The following SLC12A1 variants were observed in gnomAD, a reference collection of about 807,000 sequenced individuals.
SLC12A1 encodes Na-K-2Cl cotransporter.
A neutral mutation model predicts 130.4 loss-of-function variants in SLC12A1; 89 were observed. The ratio of observed to expected loss-of-function variants is 0.68; its 90% CI spans 0.58 to 0.81. The LOEUF (loss-of-function observed/expected upper bound fraction) is 0.81. SLC12A1 is among the 40% of genes least tolerant of loss of function. The pLI is 0.00. For missense variants in SLC12A1, 1,310 were observed against 1,336.4 expected, an observed-to-expected ratio of 0.98 and a Z score of 0.31; for synonymous variants, 499 against 460.0, an observed-to-expected ratio of 1.08 and a Z score of -1.09.
At chr15:48,216,147 A>G (rs2041118533) in intron 2 of SLC12A1, among the ~76,000 whole-genome samples, 1 of 152,166 alleles carries the variant, frequency 6.6e-6, no homozygotes, top group Non-Finnish European at 1.5e-5. Flanking sequence ...AGAGTTGAAC[A>G]CCCTACATTG....
chr15:48,271,169 G>C (rs369103101), intron 19 of SLC12A1, among the ~76,000 whole-genome samples: 15 of 151,876 alleles, frequency 9.9e-5, no homozygotes, highest in Admixed American at 7.2e-4. Flanking sequence ...CTGAGATTGC[G>C]CCACTGCACT....
chr15:48,259,647 G>C (rs1372343842), intron 17 of SLC12A1, among the ~76,000 whole-genome samples: 1 of 152,080 alleles, frequency 6.6e-6, no homozygotes, highest in Non-Finnish European at 1.5e-5. Context: ...ATAAAAAGAT[G>C]GAATGAGCCA....
rs773955892 is a variant in SLC12A1, at chr15:48,285,161, T to A, written c.2541T>A (p.Asp847Glu). 6.2e-7 allele frequency: 1 copy of A among 1,613,646 alleles called. No homozygotes were observed. Among genetic ancestry groups the A allele is most frequent in the African/African-American group, 1.3e-5 (1 of 75,028 alleles). The change falls in exon 21 of 27, where the codon GAT becomes GAA. Residue 847 changes from aspartate (D) to glutamate (E), a missense_variant. By Grantham distance (45) the Asp-to-Glu change is conservative. Coordinates refer to ENST00000380993, the MANE Select transcript of SLC12A1 (RefSeq NM_000338.3). ...ERLALEATIK[D>E]NECEEESGGI... ...TAGCATTGGAAGCGACTATCAAAGA[T>A]AATGAGTGTGAAGAGGAAAGTGGAG...
rs1244911155 is a variant in SLC12A1, at chr15:48,280,051, C to T, written c.2486-5055C>T. Among the ~76,000 whole-genome samples, 7 of 152,174 alleles carry T rather than the reference C, an allele frequency of 4.6e-5. No homozygotes were observed. In the South Asian group the frequency reaches 1.2e-3, roughly 27 times the overall value. On this transcript the variant is annotated intron_variant, in intron 20 of 26. Coordinates refer to ENST00000380993, the MANE Select transcript of SLC12A1 (RefSeq NM_000338.3). ...CTGTAAAATGGGAAGGGATTCCATT[C>T]CCCAGTGGGTTTCCCTGCTCTCCCT...
chr15:48,266,585 G>T (rs1374923616), intron 17 of SLC12A1, among the ~76,000 whole-genome samples: 1 of 151,864 alleles, frequency 6.6e-6, no homozygotes, highest in Non-Finnish European at 1.5e-5. Context: ...AAAATATTGA[G>T]CCCTGCTTCA....
intron 9 of SLC12A1, among the ~76,000 whole-genome samples, chr15:48,239,837 G>A (rs746057589): frequency 6.6e-6 from 1 of 151,512 alleles, no homozygotes; most frequent in East Asian, 2.0e-4. Context: ...TTTTAGTAGA[G>A]ATGGGGTTTC....
intron 2 of SLC12A1, among the ~76,000 whole-genome samples, chr15:48,217,610 G>T (rs1001031798): frequency 6.6e-6 from 1 of 151,968 alleles, no homozygotes; most frequent in African/African-American, 2.4e-5. Flanking sequence ...TCTGTCTTAG[G>T]ATTCAGTCCC....
At chr15:48,239,260 G>A (rs948694378) in intron 9 of SLC12A1, among the ~76,000 whole-genome samples, 2 of 151,924 alleles carry the variant, frequency 1.3e-5, no homozygotes, top group African/African-American at 2.4e-5. Context: ...GCTTATAATC[G>A]CAGCACTTTG....
In SLC12A1 at chr15:48,275,941, G is replaced by A. The variant is rs75408367; in HGVS notation, c.2485+1288G>A. On this transcript the variant is annotated intron_variant, in intron 20 of 26. Transcript: ENST00000380993. ...TCGGTTATATGGGGCATGGACTCAGGACTAGAATGGAAATAGATAAATCAA... is the reference window on the plus strand; with the variant it reads ...TCGGTTATATGGGGCATGGACTCAGAACTAGAATGGAAATAGATAAATCAA... Among the ~76,000 whole-genome samples the A allele has an allele frequency of 2.6e-5, 4 of 152,312 alleles. No individual in the cohort carries two copies. In the East Asian group the frequency reaches 7.7e-4, roughly 29 times the overall value.
chr15:48,293,262 G>C (rs2042140107), intron 24 of SLC12A1, among the ~76,000 whole-genome samples: 1 of 152,196 alleles, frequency 6.6e-6, no homozygotes, highest in South Asian at 2.1e-4. Context: ...GTTTGCAAGG[G>C]TGCAAGAAGA....
At chr15:48,252,161 C>T (rs959630129) in intron 15 of SLC12A1, among the ~76,000 whole-genome samples, 1 of 152,164 alleles carries the variant, frequency 6.6e-6, no homozygotes, top group Non-Finnish European at 1.5e-5. Context: ...CGAGATCACA[C>T]CACTGCACTC....
chr15:48,294,949 C>T (rs1171895228), intron 24 of SLC12A1, among the ~76,000 whole-genome samples: 3 of 108,002 alleles, frequency 2.8e-5, no homozygotes, highest in South Asian at 2.9e-4. Flanking sequence ...CTCACTCTGT[C>T]GTCTAGGCTA....
intron 18 of SLC12A1, 150 bp downstream of exon 18, chr15:48,267,851 T>G (rs957737835): frequency 1.3e-6 from 1 of 762,516 alleles, no homozygotes; most frequent in Non-Finnish European, 2.1e-6. Context: ...TTCCTGGGTA[T>G]AGGCAAAGCT....
chr15:48,216,464 C>T (rs1263966034), intron 2 of SLC12A1, among the ~76,000 whole-genome samples: 1 of 152,158 alleles, frequency 6.6e-6, no homozygotes, highest in Non-Finnish European at 1.5e-5. Flanking sequence ...GCTAGCAGAG[C>T]AATTTCCCAG....
intron 18 of SLC12A1, among the ~76,000 whole-genome samples, chr15:48,267,993 T>C (rs1037492444): frequency 1.3e-5 from 2 of 152,202 alleles, no homozygotes; most frequent in African/African-American, 4.8e-5. Context: ...GTTCTGGTGG[T>C]TGACGACATT....
At position 48,274,628 on chromosome 15, in the gene SLC12A1, C is replaced by T; in HGVS notation, c.2460C>T (p.Asp820=). Residue 820 remains aspartate, a synonymous_variant, in exon 20 of 27, where the codon GAC becomes GAT. Coordinates refer to ENST00000380993, the MANE Select transcript of SLC12A1 (RefSeq NM_000338.3). ...TAGTCAGAATCAGCCAAGGATTTGA[C>T]ATCTCTCAGGTTCTTCAGGTGCAAG... The part of the protein sequence containing the change: ...VVIVRISQGF[D]ISQVLQVQEE... The T allele has an allele frequency of 2.5e-6, 4 of 1,612,644 alleles. No individual in the cohort carries two copies. Among genetic ancestry groups the T allele is most frequent in the Non-Finnish European group, 3.4e-6 (4 of 1,179,016 alleles).
chr15:48,271,125 T>A (rs995321772), intron 19 of SLC12A1, among the ~76,000 whole-genome samples: 1 of 151,844 alleles, frequency 6.6e-6, no homozygotes, highest in African/African-American at 2.4e-5. Context: ...GGCAGGAGAA[T>A]TACTTGAACC....
intron 20 of SLC12A1, among the ~76,000 whole-genome samples, chr15:48,278,747 T>A (rs891950817): frequency 2.6e-5 from 4 of 152,218 alleles, no homozygotes; most frequent in African/African-American, 9.7e-5. Flanking sequence ...ATATAACTTG[T>A]ATTTAGATTA....
intron 2 of SLC12A1, among the ~76,000 whole-genome samples, chr15:48,219,953 C>CA (rs893181989): frequency 6.6e-6 from 1 of 151,616 alleles, no homozygotes; most frequent in Admixed American, 6.6e-5. Flanking sequence ...ACTAAAAATA[C>CA]AAAAAATTAG....
Sources: gnomAD v4.1 joint callset for allele counts (sites outside exome capture counted in the v4.1 genomes callset) on GRCh38, gnomAD v4.1.1 for gene constraint, MANE v1.5 for transcripts, NCBI Gene and HGNC (gene_info 2026-07-23, HGNC 2026-07-21) for gene names.